The following CELF2 variants were observed in gnomAD, a reference collection of about 807,000 sequenced individuals.
CELF2 encodes CUGBP Elav-like family member 2, also known as CUG triplet repeat RNA-binding protein 2.
Under a neutral mutation model 62.6 loss-of-function variants are expected in CELF2, and 8 were observed. The ratio of observed to expected loss-of-function variants is 0.13; its 90% CI spans 0.07 to 0.23. CELF2 has a LOEUF of 0.23. Among genes scored for constraint, CELF2 ranks in the 10% least tolerant of loss-of-function variants. The pLI, the probability that CELF2 is intolerant of heterozygous loss-of-function variation, is 1.00. For missense variants in CELF2, 333 were observed against 671.0 expected, an observed-to-expected ratio of 0.50 and a Z score of 5.56; for synonymous variants, 258 against 250.0, an observed-to-expected ratio of 1.03 and a Z score of -0.30.
rs541258806 is a variant in CELF2, at chr10:10,990,010, T to C, written c.89+70011T>C. Among the ~76,000 whole-genome samples the C allele has an allele frequency of 3.2e-4, 48 of 152,260 alleles. No individual in the cohort carries two copies. Among genetic ancestry groups the C allele is most frequent in the Non-Finnish European group, 5.3e-4 (36 of 67,982 alleles). On this transcript the variant is annotated intron_variant, in intron 2 of 13. Coordinates refer to the CELF2 transcript ENST00000636488. The surrounding 1 kb of genome is among the most constrained non-coding windows in gnomAD (Gnocchi z 4.6). ...ACTCTTGTATATGGGGGAATGTCCA[T>C]TGCAAATCTGCAAAGCAATTTAGTA... is the stretch of plus-strand genomic sequence containing the variant.
At position 11,311,100 on chromosome 10, in the gene CELF2, C is replaced by T. The variant is rs1344945699; in HGVS notation, c.977-3039C>T. Among the ~76,000 whole-genome samples, 1 of 152,158 alleles carries T rather than the reference C, an allele frequency of 6.6e-6. No homozygotes were observed. Among genetic ancestry groups the T allele is most frequent in the African/African-American group, 2.4e-5 (1 of 41,434 alleles). On this transcript the variant is annotated intron_variant, in intron 9 of 12. Transcript: ENST00000633077. The surrounding 1 kb of genome is among the most constrained non-coding windows in gnomAD (Gnocchi z 4.7). ...CCCTCCCCATACGAGCCTGAAACCT[C>T]AAAAGGCTAAACTCTCAGTGTAAAG...
At chr10:11,129,584 C>G (rs976221554) in intron 1 of CELF2, among the ~76,000 whole-genome samples, 2 of 152,178 alleles carry the variant, frequency 1.3e-5, no homozygotes, top group Non-Finnish European at 2.9e-5. Flanking sequence ...AGAGATTCAA[C>G]TTCTTCCTGG....
the CELF2 span, among the ~76,000 whole-genome samples, chr10:10,509,199 A>G: frequency 6.6e-6 from 1 of 152,150 alleles, no homozygotes; most frequent in Non-Finnish European, 1.5e-5. Context: ...TGTGGATGTA[A>G]AGAGTTGGAA....
intron 1 of CELF2, among the ~76,000 whole-genome samples, chr10:11,057,663 A>G (rs767407281): frequency 6.6e-6 from 1 of 152,098 alleles, no homozygotes; most frequent in African/African-American, 2.4e-5. Flanking sequence ...CCCCCCGATG[A>G]AGTACTTGAA....
chr10:10,539,801 A>G, the CELF2 span, among the ~76,000 whole-genome samples: 62,992 of 152,112 alleles, frequency 0.41, 13,715 homozygotes, highest in South Asian at 0.54. Flanking sequence ...AGCACAGGAA[A>G]TACACATGTT....
At chr10:11,279,637 A>G (rs7076080) in intron 8 of CELF2, among the ~76,000 whole-genome samples, 57,144 of 152,020 alleles carry the variant, frequency 0.38, 12,042 homozygotes, top group East Asian at 0.73. Context: ...ACATCTGTTC[A>G]TGCTTATTGA....
chr10:10,546,748 G>A, the CELF2 span, among the ~76,000 whole-genome samples: 5 of 152,070 alleles, frequency 3.3e-5, no homozygotes, highest in South Asian at 6.2e-4. Flanking sequence ...AAAAGTCAGG[G>A]AAAAGGAGAG....
the CELF2 span, among the ~76,000 whole-genome samples, chr10:10,792,879 CCTTCCTCT>C: frequency 6.6e-6 from 1 of 152,146 alleles, no homozygotes; most frequent in African/African-American, 2.4e-5. Context: ...GTGTGAGTCT[CCTTCCTCT>C]CTTCCTTTCT....
chr10:10,540,566 T>C, the CELF2 span, among the ~76,000 whole-genome samples: 1 of 151,934 alleles, frequency 6.6e-6, no homozygotes, highest in South Asian at 2.1e-4. Context: ...AAACAGGAGG[T>C]TGCAGAAAAG....
At chr10:10,986,581 G>A (rs1352278653) in intron 2 of CELF2, among the ~76,000 whole-genome samples, 1 of 152,194 alleles carries the variant, frequency 6.6e-6, no homozygotes, top group African/African-American at 2.4e-5. Context: ...AAGGAGTATT[G>A]TATAATCAGA....
intron 2 of CELF2, among the ~76,000 whole-genome samples, chr10:11,198,699 A>G (rs760028459): frequency 6.6e-6 from 1 of 152,242 alleles, no homozygotes; most frequent in Non-Finnish European, 1.5e-5. Context: ...GAGACCCAGA[A>G]GGGCATGGTC....
At chr10:10,524,305 T>C in the CELF2 span, among the ~76,000 whole-genome samples, 4 of 151,970 alleles carry the variant, frequency 2.6e-5, no homozygotes, top group Admixed American at 6.6e-5. Flanking sequence ...TTATGTTCCT[T>C]CTGGGTTTAT....
At chr10:10,664,525 A>G in the CELF2 span, among the ~76,000 whole-genome samples, 3 of 152,252 alleles carry the variant, frequency 2.0e-5, no homozygotes, top group Non-Finnish European at 4.4e-5. Context: ...AGGAACAAAC[A>G]AAAGAGAAAA....
intron 1 of CELF2, among the ~76,000 whole-genome samples, chr10:10,833,648 G>A (rs1444979052): frequency 6.6e-6 from 1 of 152,190 alleles, no homozygotes; most frequent in Non-Finnish European, 1.5e-5. Context: ...AAAAGTGGAT[G>A]TGAACACGAA....
the CELF2 span, among the ~76,000 whole-genome samples, chr10:10,649,494 A>G: frequency 6.6e-6 from 1 of 152,094 alleles, no homozygotes; most frequent in Non-Finnish European, 1.5e-5. Context: ...AACTCGTGTT[A>G]TATGTTTTAC....
At chr10:10,534,820 A>G in the CELF2 span, among the ~76,000 whole-genome samples, 652 of 152,334 alleles carry the variant, frequency 4.3e-3, 7 homozygotes, top group African/African-American at 0.015. Context: ...AAAAGGAAGC[A>G]GCTTAATCCC....
At chr10:11,203,148 T>C (rs2059660983) in intron 2 of CELF2, among the ~76,000 whole-genome samples, 1 of 152,078 alleles carries the variant, frequency 6.6e-6, no homozygotes, top group African/African-American at 2.4e-5. Context: ...AGTTTTTAGA[T>C]CAAATACTAC....
intron 1 of CELF2, among the ~76,000 whole-genome samples, chr10:11,070,169 C>A (rs1291862): frequency 0.28 from 42,615 of 151,684 alleles, 6,569 homozygotes; most frequent in African/African-American, 0.39. Flanking sequence ...CTTTTTTCTT[C>A]GTATACAGTG....
intron 2 of CELF2, among the ~76,000 whole-genome samples, chr10:11,202,749 G>T (rs1295143926): frequency 6.6e-6 from 1 of 152,130 alleles, no homozygotes; most frequent in Non-Finnish European, 1.5e-5. Context: ...ACCCTTAGTG[G>T]TGGGAGAATA....
Sources: allele counts gnomAD v4.1 joint callset (sites outside exome capture counted in the v4.1 genomes callset), GRCh38; gene constraint gnomAD v4.1.1; non-coding constraint Gnocchi (gnomAD v3.1); transcripts MANE v1.5; gene names NCBI Gene and HGNC (gene_info 2026-07-23, HGNC 2026-07-21).